The following EPHA4 variants were observed in gnomAD, a reference collection of about 807,000 sequenced individuals.
EPHA4 encodes EPH receptor A4.
A neutral mutation model predicts 108.3 loss-of-function variants in EPHA4; 19 were observed. The ratio of observed to expected loss-of-function variants is 0.18; its 90% CI spans 0.12 to 0.26. The LOEUF is 0.26. EPHA4 is among the 10% of genes least tolerant of loss of function. The pLI is 1.00. For synonymous variants in EPHA4, 449 were observed against 455.5 expected (o/e 0.99, Z 0.18); for missense variants, 917 against 1,254.0 (o/e 0.73, Z 4.06).
At chr2:221,458,577 C>T (rs1335338012) in intron 5 of EPHA4, among the ~76,000 whole-genome samples, 1 of 152,164 alleles carries the variant, frequency 6.6e-6, no homozygotes, top group African/African-American at 2.4e-5. Context: ...ACAAATCAAG[C>T]AGTGCTGGTC....
At chr2:221,436,339 G>A in intron 13 of EPHA4, 60 bp downstream of exon 13, 1 of 1,530,768 alleles carries the variant, frequency 6.5e-7, no homozygotes, top group Non-Finnish European at 9.0e-7. Context: ...CAATCTCAAA[G>A]TGAGAAGAGA....
chr2:221,526,487 G>A (rs900325541), intron 3 of EPHA4, among the ~76,000 whole-genome samples: 15 of 151,158 alleles, frequency 9.9e-5, no homozygotes, highest in African/African-American at 1.5e-4. Flanking sequence ...TGATATACAC[G>A]TCTCAAAGGT....
intron 8 of EPHA4, among the ~76,000 whole-genome samples, chr2:221,453,734 T>C (rs990755317): frequency 6.6e-6 from 1 of 152,226 alleles, no homozygotes; most frequent in Non-Finnish European, 1.5e-5. Flanking sequence ...AACATACCTA[T>C]TCATAGATTG....
intron 4 of EPHA4, among the ~76,000 whole-genome samples, chr2:221,484,439 C>G (rs771433100): frequency 6.6e-6 from 1 of 152,160 alleles, no homozygotes; most frequent in Non-Finnish European, 1.5e-5. Flanking sequence ...AAGATCAGCT[C>G]CCCATCCTGT....
intron 3 of EPHA4, among the ~76,000 whole-genome samples, chr2:221,557,306 C>G (rs570733265): frequency 1.3e-5 from 2 of 152,306 alleles, no homozygotes; most frequent in African/African-American, 4.8e-5. Flanking sequence ...ACAAAAAACT[C>G]TCTACTCTGG....
rs1053495939 is a variant in EPHA4 at position 221,440,354 on chromosome 2, T to C, written c.2074+2475A>G. 2.4e-4 allele frequency among the ~76,000 whole-genome samples: 37 copies of C among 152,060 alleles called. 1 individual carries two copies. The highest frequency in any genetic ancestry group is 8.7e-4 in the African/African-American group (36 of 41,372). On this transcript the variant is annotated intron_variant, in intron 11 of 17. Transcript: ENST00000281821. ...CTCTTCTGCAGAGGTGCTAGGAAAA[T>C]CACTGTCTGCGACAGGAAAAACACC...
chr2:221,511,323 T>C (rs1298452322), intron 3 of EPHA4, among the ~76,000 whole-genome samples: 9 of 152,206 alleles, frequency 5.9e-5, no homozygotes, highest in Admixed American at 2.6e-4. Context: ...GACAATCTAA[T>C]TTAGGAGTAT....
intron 4 of EPHA4, among the ~76,000 whole-genome samples, chr2:221,494,920 C>A (rs1390322297): frequency 7.2e-6 from 1 of 138,994 alleles, no homozygotes; most frequent in African/African-American, 2.7e-5. Context: ...AGAAAAGATT[C>A]ATAAAATCAA....
chr2:221,427,592 G>T (rs980454423), intron 15 of EPHA4, among the ~76,000 whole-genome samples: 1 of 152,064 alleles, frequency 6.6e-6, no homozygotes, highest in Admixed American at 6.5e-5. Flanking sequence ...ACTGCTACTT[G>T]TTAAGTCATA....
intron 3 of EPHA4, among the ~76,000 whole-genome samples, chr2:221,505,200 C>G (rs1692593673): frequency 6.6e-6 from 1 of 152,138 alleles, no homozygotes. Context: ...CACCAGATAC[C>G]AAACACTTAG....
Position 221,563,865 on chromosome 2 carries a change from C to T in EPHA4, c.689G>A (p.Arg230Gln), listed in dbSNP as rs1420768724. ...GADTSSLVEV[R>Q]GSCVNNSEEK... ...TTCTGAGTTGTTGACACAGGAGCCTCGAACTTCCACCAGGGAAGACGTATC... is the reference window on the plus strand; with the variant it reads ...TTCTGAGTTGTTGACACAGGAGCCTTGAACTTCCACCAGGGAAGACGTATC... The change falls in exon 3 of 18, where the codon CGA becomes CAA. Residue 230 changes from arginine to glutamine, a missense_variant. Arg to Gln is a conservative substitution (Grantham distance 43). This residue lies in a region of EPHA4 where 758 missense variants were observed against 1,076.7 expected (regional missense o/e 0.70). Transcript: ENST00000281821. 6.2e-7 allele frequency: 1 copy of T among 1,614,188 alleles called. No homozygotes were observed. The highest frequency in any genetic ancestry group is 1.1e-5 in the South Asian group (1 of 91,086).
chr2:221,538,885 G>T (rs1279005782), intron 3 of EPHA4, among the ~76,000 whole-genome samples: 1 of 152,038 alleles, frequency 6.6e-6, no homozygotes, highest in African/African-American at 2.4e-5. Flanking sequence ...CACACGTGGC[G>T]TGCAATGACT....
chr2:221,472,641 C>T (rs965464804), intron 5 of EPHA4, among the ~76,000 whole-genome samples: 2 of 152,032 alleles, frequency 1.3e-5, no homozygotes, highest in Non-Finnish European at 2.9e-5. Context: ...AACAAACTGC[C>T]TGAAAAAATT....
intron 17 of EPHA4, among the ~76,000 whole-genome samples, chr2:221,423,538 C>T (rs192688995): frequency 2.6e-4 from 40 of 152,268 alleles, no homozygotes; most frequent in African/African-American, 8.4e-4. Flanking sequence ...AAGATTCAGA[C>T]GGTGACCTTT....
intron 4 of EPHA4, among the ~76,000 whole-genome samples, chr2:221,498,618 G>A (rs561464819): frequency 6.8e-5 from 10 of 146,040 alleles, no homozygotes; most frequent in East Asian, 6.0e-4. Flanking sequence ...TTCTGTTTTC[G>A]TTTTTTTTTT....
At chr2:221,449,004 T>C (rs566780315) in intron 8 of EPHA4, among the ~76,000 whole-genome samples, 214 of 152,306 alleles carry the variant, frequency 1.4e-3, no homozygotes, top group African/African-American at 4.9e-3. Flanking sequence ...GCCCATCCCT[T>C]CCTCAGACTT....
intron 3 of EPHA4, chr2:221,501,403 T>G: frequency 2.5e-6 from 1 of 404,060 alleles, no homozygotes; most frequent in Non-Finnish European, 4.3e-6. Context: ...AGGAAGAAAT[T>G]TTCTTAAACC....
intron 6 of EPHA4, among the ~76,000 whole-genome samples, chr2:221,457,152 T>C (rs1690983222): frequency 6.6e-6 from 1 of 152,184 alleles, no homozygotes; most frequent in Non-Finnish European, 1.5e-5. Flanking sequence ...ATGTAAAATG[T>C]GTTGTAACAT....
At chr2:221,469,107 T>A (rs1559254169) in intron 5 of EPHA4, among the ~76,000 whole-genome samples, 3 of 152,218 alleles carry the variant, frequency 2.0e-5, no homozygotes, top group Admixed American at 1.3e-4. Flanking sequence ...ATGAATGAAG[T>A]GAGGTATATT....
Sources: gnomAD v4.1 joint callset for allele counts (sites outside exome capture counted in the v4.1 genomes callset) on GRCh38, gnomAD v4.1.1 for gene constraint, gnomAD v4.1.1 regional missense constraint, MANE v1.5 for transcripts, NCBI Gene and HGNC (gene_info 2026-07-23, HGNC 2026-07-21) for gene names.